The following TEX9 variants were observed in gnomAD, a reference collection of about 807,000 sequenced individuals.
The protein encoded by TEX9 is testis-expressed protein 9.
Under a neutral mutation model 59.6 loss-of-function variants are expected in TEX9, and 74 were observed. The ratio of observed to expected loss-of-function variants is 1.24; its 90% confidence interval spans 1.03 to 1.51. The LOEUF (loss-of-function observed/expected upper bound fraction) is 1.51. Ranked by LOEUF, TEX9 falls within the 40% of genes most tolerant of loss-of-function variation. The pLI is 0.00. For missense variants in TEX9, 522 were observed against 447.8 expected (o/e 1.17, Z -1.49); for synonymous variants, 186 against 152.2 (o/e 1.22, Z -1.64).
At chr15:56,256,523 G>T (rs753106058) in intron 1 of TEX9, among the ~76,000 whole-genome samples, 2 of 151,856 alleles carry the variant, frequency 1.3e-5, no homozygotes, top group Non-Finnish European at 2.9e-5. Flanking sequence ...TAGAAGCAAG[G>T]GTATTACTAA....
At chr15:56,447,191 A>G, downstream of TEX9, 2 of 314,430 alleles carry the variant, frequency 6.4e-6, no homozygotes, top group Non-Finnish European at 1.2e-5. Context: ...CTGTGTCAAT[A>G]CCACACTATC....
intron 2 of TEX9, among the ~76,000 whole-genome samples, chr15:56,369,044 A>G (rs550287499): frequency 2.5e-4 from 38 of 152,230 alleles, no homozygotes; most frequent in African/African-American, 8.9e-4. Context: ...ACTGTAGGTT[A>G]ACTATATTCC....
At chr15:56,392,967 T>A (rs1368628864) in intron 7 of TEX9, among the ~76,000 whole-genome samples, 1 of 152,274 alleles carries the variant, frequency 6.6e-6, no homozygotes, top group Admixed American at 6.5e-5. Flanking sequence ...GGTTTGGTTA[T>A]GTGTGGGAGA....
intron 7 of TEX9, 79 bp downstream of exon 7, chr15:56,391,497 C>A: frequency 2.0e-6 from 2 of 1,021,106 alleles, no homozygotes; most frequent in Non-Finnish European, 1.3e-6. Context: ...ACTATTTCTT[C>A]CATTTAAAAA....
At chr15:56,353,149 C>T (rs2046617450) in intron 1 of TEX9, among the ~76,000 whole-genome samples, 1 of 152,054 alleles carries the variant, frequency 6.6e-6, no homozygotes, top group Non-Finnish European at 1.5e-5. Context: ...ATGTCAATAC[C>T]ATGACCACAG....
At chr15:56,426,716 T>A (rs2050298568) in intron 10 of TEX9, among the ~76,000 whole-genome samples, 2 of 150,254 alleles carry the variant, frequency 1.3e-5, no homozygotes, top group South Asian at 4.3e-4. Context: ...TATGTGTGTG[T>A]ACAGAGATTC....
intron 3 of TEX9, among the ~76,000 whole-genome samples, chr15:56,378,173 A>G (rs2047550126): frequency 1.3e-5 from 2 of 152,000 alleles, no homozygotes; most frequent in South Asian, 4.1e-4. Context: ...AGATATTGGC[A>G]TGTAGTTTTC....
intron 12 of TEX9, among the ~76,000 whole-genome samples, chr15:56,430,570 A>AATT (rs1279511963): frequency 6.6e-6 from 1 of 152,054 alleles, no homozygotes; most frequent in African/African-American, 2.4e-5. Flanking sequence ...TATCTTCTGG[A>AATT]ATTTTAAAAA....
At chr15:56,419,911 G>C (rs2049887396) in intron 10 of TEX9, among the ~76,000 whole-genome samples, 1 of 151,842 alleles carries the variant, frequency 6.6e-6, no homozygotes, top group Non-Finnish European at 1.5e-5. Flanking sequence ...AGGTTTTCTT[G>C]TGGAAAGATT....
chr15:56,395,059 C>T, intron 9 of TEX9: 1 of 525,108 alleles, frequency 1.9e-6, no homozygotes, highest in Non-Finnish European at 3.3e-6. Flanking sequence ...AATTGTGCAA[C>T]TATCACCACA....
At chr15:56,334,157 A>C (rs1235137330) in intron 1 of TEX9, among the ~76,000 whole-genome samples, 1 of 152,168 alleles carries the variant, frequency 6.6e-6, no homozygotes, top group Non-Finnish European at 1.5e-5. Flanking sequence ...AAACAAAAAA[A>C]ATCCTAAAAT....
chr15:56,374,474 T>C (rs906549276), intron 3 of TEX9: 2 of 152,180 alleles, frequency 1.3e-5, no homozygotes, highest in African/African-American at 2.4e-5. Flanking sequence ...CAGGCATGCA[T>C]TGTGTAATAA....
At chr15:56,260,842 G>A (rs1474642935) in intron 1 of TEX9, among the ~76,000 whole-genome samples, 1 of 151,972 alleles carries the variant, frequency 6.6e-6, no homozygotes, top group Non-Finnish European at 1.5e-5. Context: ...AAATGTTTTG[G>A]AGAATTCACC....
intron 9 of TEX9, among the ~76,000 whole-genome samples, chr15:56,402,211 G>C (rs1326060639): frequency 6.6e-6 from 1 of 150,834 alleles, no homozygotes; most frequent in Non-Finnish European, 1.5e-5. Flanking sequence ...TTTGAATTTT[G>C]TCTATCAACA....
At chr15:56,355,405 C>T (rs1379795401) in intron 1 of TEX9, among the ~76,000 whole-genome samples, 1 of 152,100 alleles carries the variant, frequency 6.6e-6, no homozygotes, top group Non-Finnish European at 1.5e-5. Flanking sequence ...AAAAAACTAT[C>T]CTTTCTCCAT....
intron 1 of TEX9, among the ~76,000 whole-genome samples, chr15:56,314,962 G>A (rs1465574075): frequency 3.1e-4 from 47 of 150,942 alleles, no homozygotes; most frequent in South Asian, 2.3e-3. Flanking sequence ...ATCAGAGACT[G>A]GGATTGCAAC....
chr15:56,349,392 A>T (rs1167706079), intron 1 of TEX9, among the ~76,000 whole-genome samples: 1 of 152,198 alleles, frequency 6.6e-6, no homozygotes, highest in African/African-American at 2.4e-5. Context: ...TTCAGGGGTC[A>T]GCTAGAGATT....
intron 10 of TEX9, among the ~76,000 whole-genome samples, chr15:56,426,696 C>CCAT (rs537524706): frequency 3.2e-4 from 46 of 143,064 alleles, no homozygotes; most frequent in South Asian, 1.6e-3. Context: ...TCTTTTTTCT[C>CCAT]CATCTTTTTT....
rs371903416 is a variant in TEX9 at position 56,427,748 on chromosome 15, A to G, written c.1098+9A>G. 6 of 1,445,064 alleles carry G rather than the reference A, an allele frequency of 4.2e-6. No individual in the cohort carries two copies. Among genetic ancestry groups the G allele is most frequent in the Non-Finnish European group, 5.5e-6 (6 of 1,090,310 alleles). The allele number at this position is 1,445,064 out of a possible 1,614,324, so 89.5% of individuals were successfully genotyped here. On this transcript the variant is annotated intron_variant, in intron 11 of 12. Coordinates refer to ENST00000352903, the Ensembl canonical transcript of TEX9. ...TTTTAAAAAGGCAAAAGGTGAGTCT[A>G]TCATTAAAGTTAAATCATCATATTA...
Sources: allele counts gnomAD v4.1 joint callset (sites outside exome capture counted in the v4.1 genomes callset), GRCh38; gene constraint gnomAD v4.1.1; transcripts MANE v1.5; gene names NCBI Gene and HGNC (gene_info 2026-07-23, HGNC 2026-07-21).